Variants in USP9X observed in about 807,000 individuals in gnomAD.
USP9X encodes ubiquitin carboxyl-terminal hydrolase 9X.
Under a neutral mutation model 190.3 loss-of-function variants are expected in USP9X, and 7 were observed. The observed-to-expected ratio is 0.04, with a 90% CI of 0.02 to 0.07. USP9X has a LOEUF of 0.07. USP9X is among the 10% of genes least tolerant of loss of function. The pLI is 1.00. For synonymous variants in USP9X, 645 were observed against 659.5 expected (o/e 0.98, Z 0.34); for missense variants, 1,010 against 1,916.9 (o/e 0.53, Z 8.83).
intron 1 of USP9X, among the ~76,000 whole-genome samples, chrX:41,114,623 G>A (rs1393347664): frequency 3.7e-5 from 4 of 107,712 alleles, no homozygotes; most frequent in South Asian, 4.2e-4. Flanking sequence ...GGGATTAAAG[G>A]TGCACACCAT....
chrX:41,214,980 T>A (rs1369318725), intron 34 of USP9X, among the ~76,000 whole-genome samples: 2 of 112,212 alleles, frequency 1.8e-5, no homozygotes, highest in African/African-American at 6.5e-5. Flanking sequence ...CATTCTCTTA[T>A]ATAAGTTACA....
intron 21 of USP9X, among the ~76,000 whole-genome samples, chrX:41,178,324 C>T (rs769395259): frequency 9.2e-6 from 1 of 108,805 alleles, no homozygotes; most frequent in Non-Finnish European, 1.9e-5. Flanking sequence ...TGGTCTCGAA[C>T]GCTTGACCTC....
intron 1 of USP9X, among the ~76,000 whole-genome samples, chrX:41,087,358 T>G (rs1401214579): frequency 8.9e-6 from 1 of 112,127 alleles, no homozygotes; most frequent in Non-Finnish European, 1.9e-5. Flanking sequence ...CTGATTACCC[T>G]TAGGTAAGGA....
At chrX:41,222,951 G>T (rs1230785208) in intron 38 of USP9X, among the ~76,000 whole-genome samples, 1 of 111,713 alleles carries the variant, frequency 9.0e-6, no homozygotes, top group African/African-American at 3.3e-5. Context: ...GTGAGCCGGT[G>T]TGATTGGAAT....
chrX:41,126,973 C>CA (rs2062260020), intron 2 of USP9X, among the ~76,000 whole-genome samples: 1 of 110,836 alleles, frequency 9.0e-6, no homozygotes, highest in South Asian at 3.7e-4. Context: ...ATAAATGAAA[C>CA]AGCCTTGGCA....
At chrX:41,181,572 C>A (rs1863609108) in intron 21 of USP9X, among the ~76,000 whole-genome samples, 1 of 106,899 alleles carries the variant, frequency 9.4e-6, no homozygotes, top group Admixed American at 1.0e-4. Flanking sequence ...CCTCAGCCTC[C>A]CGAGTAGCTG....
chrX:41,136,854 G>A lies in USP9X; in HGVS notation c.486G>A (p.Lys162=). Residue 162 remains lysine (K), a synonymous_variant, in exon 6 of 45, where the codon AAG becomes AAA. Coordinates refer to ENST00000378308, the MANE Select transcript of USP9X (RefSeq NM_001039591.3). ...THRLVELCVA[K]LSQDWFPLLE... Reference sequence around the variant, plus strand: ...GTCTGGTGGAGCTATGTGTGGCCAAGTTGTCCCAAGACTGGTTTCCACTTT... The same window carrying A: ...GTCTGGTGGAGCTATGTGTGGCCAAATTGTCCCAAGACTGGTTTCCACTTT... 3.3e-6 allele frequency: 4 copies of A among 1,211,623 alleles called. No homozygotes were observed. Among genetic ancestry groups the A allele is most frequent in the Non-Finnish European group, 4.5e-6 (4 of 895,420 alleles).
At chrX:41,175,864 C>T (rs1035801278) in intron 21 of USP9X, among the ~76,000 whole-genome samples, 2 of 110,537 alleles carry the variant, frequency 1.8e-5, no homozygotes, top group African/African-American at 3.3e-5. Context: ...ATCACAGTTT[C>T]ATTCTAGTTT....
At chrX:41,161,635 C>CTTTTTTTTTTTTT (rs759623425) in intron 14 of USP9X, among the ~76,000 whole-genome samples, 1,418 of 47,339 alleles carry the variant, frequency 0.03, 170 homozygotes, top group Non-Finnish European at 0.034. Context: ...GGCGCCCTGC[C>CTTTTTTTTTTTTT]TTTTTTTTTT....
intron 21 of USP9X, among the ~76,000 whole-genome samples, chrX:41,182,904 CT>C (rs1245949521): frequency 1.9e-5 from 2 of 107,224 alleles, no homozygotes; most frequent in East Asian, 5.8e-4. Flanking sequence ...ATTTCTAGGC[CT>C]GTAAAAATTC....
rs377317888 is a variant in USP9X at position 41,229,415 on chromosome X, G to C, written c.7218+6G>C. Reference sequence around the variant, plus strand: ...TTGCTTACCAAATCCTGCAGGTGAGGATTTTTTTCTTATAATTTTGTAGAA... The same window carrying C: ...TTGCTTACCAAATCCTGCAGGTGAGCATTTTTTTCTTATAATTTTGTAGAA... On this transcript the variant is annotated splice_donor_region_variant and intron_variant, in intron 42 of 44. Transcript: ENST00000378308. 1.9e-4 allele frequency: 215 copies of C among 1,159,335 alleles called. No individual in the cohort carries two copies. The African/African-American group carries it at 3.5e-3, about 19-fold the overall frequency.
At chrX:41,144,288 C>T (rs780267719) in intron 10 of USP9X, among the ~76,000 whole-genome samples, 8 of 104,673 alleles carry the variant, frequency 7.6e-5, no homozygotes, top group East Asian at 5.9e-4. Context: ...GGCTCGATAC[C>T]GGCTCACTGC....
chrX:41,086,245 C>T, intron 1 of USP9X, 136 bp downstream of exon 1: 2 of 275,853 alleles, frequency 7.3e-6, no homozygotes, highest in Non-Finnish European at 1.3e-5. Flanking sequence ...GCTGGGGCTT[C>T]CCCGTTCCCC....
chrX:41,150,932 A>C lies in USP9X; in HGVS notation c.1638A>C (p.Thr546=). 8.3e-7 allele frequency: 1 copy of C among 1,204,659 alleles called. No individual in the cohort carries two copies. Among genetic ancestry groups the C allele is most frequent in the Non-Finnish European group, 1.1e-6 (1 of 893,023 alleles). The part of the protein sequence containing the change: ...LDYSCSQDRD[T]QKIQWIDRFI... ...ATCATTTGTTTAAGGACCGTGATAC[A>C]CAAAAGATCCAATGGATAGATCGCT... Residue 546 remains threonine (T), a synonymous_variant, in exon 13 of 45, where the codon ACA becomes ACC. Transcript: ENST00000378308.
Position 41,136,549 on chromosome X carries a change from G to A in USP9X, c.436-255G>A, listed in dbSNP as rs5963924. Among the ~76,000 whole-genome samples, 322 of 112,175 alleles carry A rather than the reference G, an allele frequency of 2.9e-3. 1 individual carries two copies. The highest frequency in any genetic ancestry group is 1.0e-2 in the African/African-American group (308 of 30,939). On this transcript the variant is annotated intron_variant, in intron 5 of 44. Coordinates refer to ENST00000378308, the MANE Select transcript of USP9X (RefSeq NM_001039591.3). ...AGTAACTTGCATCTTACCTGTGGACGTAGAGCAGGAATAGATATCTTATGG... is the reference window on the plus strand; with the variant it reads ...AGTAACTTGCATCTTACCTGTGGACATAGAGCAGGAATAGATATCTTATGG...
chrX:41,130,473 C>CTT (rs1274142843), intron 3 of USP9X, among the ~76,000 whole-genome samples: 2 of 91,217 alleles, frequency 2.2e-5, no homozygotes, highest in African/African-American at 4.0e-5. Flanking sequence ...TTCTTTTTTT[C>CTT]TTTTTTTTTT....
chrX:41,132,326 G>T (rs1364394697), intron 4 of USP9X, among the ~76,000 whole-genome samples: 1 of 74,637 alleles, frequency 1.3e-5, no homozygotes, highest in African/African-American at 5.4e-5. Flanking sequence ...TTTTTGAGAT[G>T]GAATTTCACT....
intron 11 of USP9X, among the ~76,000 whole-genome samples, chrX:41,145,727 A>G (rs943004458): frequency 1.8e-5 from 2 of 111,749 alleles, no homozygotes; most frequent in African/African-American, 6.5e-5. Flanking sequence ...TACTGTAATA[A>G]TGGTATATGC....
chrX:41,186,022 C>T, intron 23 of USP9X, among the ~76,000 whole-genome samples: 1 of 111,678 alleles, frequency 9.0e-6, no homozygotes, highest in African/African-American at 3.3e-5. Context: ...TAATCTGTCA[C>T]TGATTTAACA....
Sources: gnomAD v4.1 joint callset for allele counts (sites outside exome capture counted in the v4.1 genomes callset) on GRCh38, gnomAD v4.1.1 for gene constraint, MANE v1.5 for transcripts, NCBI Gene and HGNC (gene_info 2026-07-23, HGNC 2026-07-21) for gene names.